Variants in HM13 observed in about 807,000 individuals in gnomAD.
HM13 encodes the protein signal peptide peptidase.
HM13 carries 18 observed loss-of-function variants against 50.0 expected under a neutral mutation model. The observed-to-expected ratio is 0.36, with a 90% CI of 0.25 to 0.53. The LOEUF (loss-of-function observed/expected upper bound fraction) is 0.53, where lower values mean the gene tolerates loss of function less well. HM13 is among the 20% of genes least tolerant of loss of function. HM13 has a pLI of 0.90. For missense variants in HM13, 393 were observed against 552.4 expected (o/e 0.71, Z 2.89); for synonymous variants, 197 against 232.6 (o/e 0.85, Z 1.39).
intron 1 of HM13, among the ~76,000 whole-genome samples, chr20:31,526,956 G>A (rs1299972184): frequency 6.6e-6 from 1 of 152,190 alleles, no homozygotes; most frequent in African/African-American, 2.4e-5. Context: ...TACTGGAATG[G>A]CCTCTGCCAT....
intron 4 of HM13, among the ~76,000 whole-genome samples, chr20:31,546,790 C>A (rs1052667270): frequency 6.0e-5 from 9 of 150,568 alleles, no homozygotes; most frequent in Admixed American, 6.6e-5. Flanking sequence ...TGGCCAGGCG[C>A]GGTGGCTCAT....
At chr20:31,561,357 T>G (rs1376226074) in intron 9 of HM13, among the ~76,000 whole-genome samples, 1 of 152,254 alleles carries the variant, frequency 6.6e-6, no homozygotes, top group Non-Finnish European at 1.5e-5. Context: ...GCCACTGTTA[T>G]AAGTTGCAGC....
At chr20:31,558,396 A>G (rs115435881) in intron 8 of HM13, among the ~76,000 whole-genome samples, 2,145 of 152,132 alleles carry the variant, frequency 0.014, 49 homozygotes, top group African/African-American at 0.049. Context: ...TTCACTCAGG[A>G]TAAAGACCCA....
intron 8 of HM13, among the ~76,000 whole-genome samples, chr20:31,556,448 A>G (rs1379979502): frequency 6.6e-6 from 1 of 152,188 alleles, no homozygotes; most frequent in East Asian, 1.9e-4. Flanking sequence ...ACCTAGGGTG[A>G]TACAGGCACT....
At chr20:31,519,082 A>G (rs1367025067) in intron 1 of HM13, among the ~76,000 whole-genome samples, 3 of 152,068 alleles carry the variant, frequency 2.0e-5, no homozygotes, top group African/African-American at 4.8e-5. Context: ...ATAAATAGGC[A>G]TATACTTTTC....
intron 1 of HM13, among the ~76,000 whole-genome samples, chr20:31,526,418 A>G (rs942628103): frequency 1.5e-4 from 23 of 152,146 alleles, no homozygotes; most frequent in Admixed American, 1.2e-3. Context: ...CGGCCTCCCA[A>G]AGTGCTGGGA....
intron 1 of HM13, among the ~76,000 whole-genome samples, chr20:31,525,803 C>T (rs1982452673): frequency 6.6e-6 from 1 of 151,820 alleles, no homozygotes. Flanking sequence ...AAATTTATAC[C>T]AGTACTATAT....
rs1985129376 is a variant in HM13 at position 31,569,297 on chromosome 20, G to C, written c.*78G>C. On this transcript the variant is annotated 3_prime_UTR_variant, in exon 13 of 13. Transcript: ENST00000398174. ...CCCACACAGGCGTGCACCGGTAGAG[G>C]GCACAGGAGGCCAAGGGCAGCTCCA... is the stretch of plus-strand genomic sequence containing the variant. 1.1e-5 allele frequency: 11 copies of C among 984,544 alleles called. No homozygotes were observed. Among genetic ancestry groups the C allele is most frequent in the Middle Eastern group, 3.1e-4 (1 of 3,192 alleles). 61.0% of individuals were successfully genotyped at this position (984,544 alleles called of 1,614,324 possible). A position where few individuals can be genotyped will look rare whatever the true frequency, so the allele number is the denominator to read the frequency against.
At chr20:31,550,314 G>C (rs1429892290) in intron 7 of HM13, 193 bp downstream of exon 7, 2 of 587,396 alleles carry the variant, frequency 3.4e-6, no homozygotes, top group Non-Finnish European at 6.2e-6. Flanking sequence ...CCCGGCCCCT[G>C]GCCACTTGGT....
At chr20:31,534,358 G>A (rs1982989502) in intron 2 of HM13, among the ~76,000 whole-genome samples, 1 of 152,144 alleles carries the variant, frequency 6.6e-6, no homozygotes. Context: ...GTAGGGAGAA[G>A]GGGGAGAGGA....
At chr20:31,562,838 A>G (rs1287444994) in intron 10 of HM13, among the ~76,000 whole-genome samples, 1 of 152,220 alleles carries the variant, frequency 6.6e-6, no homozygotes, top group Non-Finnish European at 1.5e-5. Flanking sequence ...ACTTCTGCTC[A>G]AGGGCTTCAA....
chr20:31,554,626 G>A, intron 7 of HM13, 120 bp from the exon 8 acceptor site: 1 of 720,438 alleles, frequency 1.4e-6, no homozygotes, highest in Non-Finnish European at 2.3e-6. Context: ...AGCTTGCAGT[G>A]AGCCGAGATT....
chr20:31,554,680 T>C (rs1262021596), intron 7 of HM13, 66 bp from the exon 8 acceptor site: 51 of 1,217,138 alleles, frequency 4.2e-5, no homozygotes, highest in Non-Finnish European at 5.3e-5. Context: ...AGACTCCGTC[T>C]CAAAAAAAAA....
Position 31,554,801 on chromosome 20 carries a change from G to C in HM13, c.780G>C (p.Met260Ile). The stretch of plus-strand genomic sequence containing the variant: ...GCCTCGAAGCAAACAACTTTGCCAT[G>C]CTGGGACTTGGAGATGTCGTCATTC... ...EKGLEANNFA[M>I]LGLGDVVIPG... The change falls in exon 8 of 13, where the codon ATG (methionine) becomes ATC (isoleucine). Residue 260 changes from methionine (M) to isoleucine (I), a missense_variant. Physicochemically the swap from Met to Ile is conservative, Grantham distance 10. Coordinates refer to ENST00000398174, the MANE Select transcript of HM13 (RefSeq NM_178581.3). 1 of 1,614,182 alleles carries C rather than the reference G, an allele frequency of 6.2e-7. No individual in the cohort carries two copies. Among genetic ancestry groups the C allele is most frequent in the South Asian group, 1.1e-5 (1 of 91,088 alleles).
intron 1 of HM13, among the ~76,000 whole-genome samples, chr20:31,516,002 C>A (rs567376853): frequency 1.2e-4 from 19 of 152,218 alleles, no homozygotes; most frequent in Non-Finnish European, 2.2e-4. Context: ...TCTTCCTTCC[C>A]CAGGAGCAGA....
intron 7 of HM13, 127 bp downstream of exon 7, chr20:31,550,248 A>G (rs1387505115): frequency 2.7e-6 from 2 of 735,218 alleles, no homozygotes; most frequent in Non-Finnish European, 4.9e-6. Flanking sequence ...GTGGCTCCCC[A>G]GCCTGGTTTC....
rs200908954 is a variant in HM13, at chr20:31,566,308, G to A, written c.1034+13G>A. The A allele has an allele frequency of 1.2e-6, 2 of 1,609,100 alleles. No individual in the cohort carries two copies. The highest frequency in any genetic ancestry group is 1.3e-5 in the African/African-American group (1 of 74,936). On this transcript the variant is annotated intron_variant, in intron 11 of 12. Coordinates refer to ENST00000398174, the MANE Select transcript of HM13 (RefSeq NM_178581.3). The stretch of plus-strand genomic sequence containing the variant: ...CAGAGATGTTCAGGTAAGGCAGAGT[G>A]GGGGGCAGATGTCCTCATGGGCACC...
intron 10 of HM13, among the ~76,000 whole-genome samples, chr20:31,565,678 C>G (rs1175747801): frequency 1.3e-5 from 2 of 152,104 alleles, no homozygotes. Context: ...CCGTCCTTTT[C>G]TCCAAACCCA....
intron 2 of HM13, among the ~76,000 whole-genome samples, chr20:31,533,758 G>A (rs1318678673): frequency 6.6e-6 from 1 of 152,172 alleles, no homozygotes; most frequent in Non-Finnish European, 1.5e-5. Flanking sequence ...TGTAGGACCT[G>A]TGAGTATAAT....
Sources: allele counts gnomAD v4.1 joint callset (sites outside exome capture counted in the v4.1 genomes callset), GRCh38; gene constraint gnomAD v4.1.1; transcripts MANE v1.5; gene names NCBI Gene and HGNC (gene_info 2026-07-23, HGNC 2026-07-21).